The following MYH10 variants were observed in gnomAD, a reference collection of about 807,000 sequenced individuals.
MYH10 encodes the protein myosin-10.
Under a neutral mutation model 257.8 loss-of-function variants are expected in MYH10, and 55 were observed. The observed-to-expected ratio is 0.21, with a 90% CI of 0.17 to 0.27. MYH10 has a LOEUF of 0.27. Among genes scored for constraint, MYH10 ranks in the 10% least tolerant of loss-of-function variants. The probability of loss-of-function intolerance (pLI) is 1.00; values close to 1 mark genes in which losing one functional copy is unlikely to be tolerated. For missense variants in MYH10, 1,631 were observed against 2,500.6 expected, an observed-to-expected ratio of 0.65 and a Z score of 7.42; for synonymous variants, 854 against 921.7, an observed-to-expected ratio of 0.93 and a Z score of 1.33.
At chr17:8,560,873 G>T in intron 7 of MYH10, 1 of 542,758 alleles carries the variant, frequency 1.8e-6, no homozygotes. Context: ...GTGAGAAGAG[G>T]GAGTGAATAT....
At chr17:8,550,828 T>C (rs1483411470) in intron 9 of MYH10, among the ~76,000 whole-genome samples, 18 of 151,908 alleles carry the variant, frequency 1.2e-4, no homozygotes, top group Non-Finnish European at 2.5e-4. Flanking sequence ...ATCCTGTTGA[T>C]CTGAGACCTT....
At position 8,513,688 on chromosome 17, in the gene MYH10, G is replaced by T. The variant is rs575928589; in HGVS notation, c.2614-19C>A. On this transcript the variant is annotated intron_variant, in intron 22 of 42. Transcript: ENST00000360416. ...GCTTCACCTATGACAAAATTAAGCA[G>T]TTTTTTTTTTTTTATCATTCCAGCT... is the stretch of plus-strand genomic sequence containing the variant. 5.3e-6 allele frequency: 8 copies of T among 1,519,856 alleles called. No homozygotes were observed. Among genetic ancestry groups the T allele is most frequent in the African/African-American group, 2.8e-5 (2 of 70,928 alleles). The allele number at this position is 1,519,856 out of a possible 1,614,324, so 94.1% of individuals were successfully genotyped here. A position where few individuals can be genotyped will look rare whatever the true frequency, so the allele number is the denominator to read the frequency against.
chr17:8,572,067 T>C, intron 6 of MYH10, among the ~76,000 whole-genome samples: 1 of 152,162 alleles, frequency 6.6e-6, no homozygotes, highest in South Asian at 2.1e-4. Flanking sequence ...TCACACACCA[T>C]CCTACCAAAT....
chr17:8,580,952 T>C (rs775247128), intron 4 of MYH10, among the ~76,000 whole-genome samples: 7 of 152,152 alleles, frequency 4.6e-5, no homozygotes, highest in Admixed American at 1.3e-4. Context: ...CCTCTAGATA[T>C]GAAGGTCAGG....
chr17:8,492,230 T>C (rs1662389914), intron 34 of MYH10, 67 bp downstream of exon 34: 2 of 1,500,580 alleles, frequency 1.3e-6, no homozygotes, highest in Admixed American at 3.6e-5. Flanking sequence ...CGCCCGCTCC[T>C]GTGTGAAGGC....
At chr17:8,621,007 G>A (rs1249950200) in intron 2 of MYH10, among the ~76,000 whole-genome samples, 1 of 152,156 alleles carries the variant, frequency 6.6e-6, no homozygotes, top group Non-Finnish European at 1.5e-5. Flanking sequence ...TGGAATGGCT[G>A]CAAAACAAAA....
intron 1 of MYH10, among the ~76,000 whole-genome samples, chr17:8,629,605 C>T (rs2085823911): frequency 6.6e-6 from 1 of 152,170 alleles, no homozygotes; most frequent in South Asian, 2.1e-4. Context: ...TCCGCGGCTT[C>T]AACTTCCCTC....
intron 4 of MYH10, among the ~76,000 whole-genome samples, chr17:8,586,108 C>T (rs2083907441): frequency 6.6e-6 from 1 of 152,180 alleles, no homozygotes; most frequent in Non-Finnish European, 1.5e-5. Flanking sequence ...AAAGCATGCC[C>T]TTTAGCACCG....
chr17:8,594,446 G>A (rs1239320537), intron 3 of MYH10, among the ~76,000 whole-genome samples: 1 of 152,156 alleles, frequency 6.6e-6, no homozygotes, highest in African/African-American at 2.4e-5. Context: ...GGCTAACAAG[G>A]ATGGCGAACA....
intron 19 of MYH10, among the ~76,000 whole-genome samples, chr17:8,519,440 T>C (rs776559377): frequency 6.6e-6 from 1 of 152,150 alleles, no homozygotes; most frequent in Non-Finnish European, 1.5e-5. Context: ...TACACATACA[T>C]ATGTTCACTG....
intron 7 of MYH10, among the ~76,000 whole-genome samples, chr17:8,557,113 T>TA (rs950781169): frequency 1.3e-5 from 2 of 152,012 alleles, no homozygotes; most frequent in African/African-American, 2.4e-5. Flanking sequence ...TACCTTATAT[T>TA]AAAAAAATGA....
chr17:8,560,378 C>T (rs561653426), intron 7 of MYH10: 6 of 281,950 alleles, frequency 2.1e-5, no homozygotes, highest in South Asian at 1.3e-4. Context: ...CCTACCTTCA[C>T]GGGACATTAA....
In MYH10 at chr17:8,490,355, C is replaced by A. The variant is rs2151813082; in HGVS notation, c.4869G>T (p.Arg1623=). The A allele has an allele frequency of 6.2e-7, 1 of 1,613,846 alleles. No individual in the cohort carries two copies. The highest frequency in any genetic ancestry group is 2.2e-5 in the East Asian group (1 of 44,874). Reference sequence around the variant, plus strand: ...TCTGCCCTACCTGTTTGATCAGCAGCCGCTTCTTCTCTTCATTCTGCTCAT... The same window carrying A: ...TCTGCCCTACCTGTTTGATCAGCAGACGCTTCTTCTCTTCATTCTGCTCAT... ...TRDEQNEEKK[R]LLIKQVRELE... is the part of the protein sequence containing the mutation. Residue 1623 remains arginine (R), a synonymous_variant, in exon 35 of 43, where the codon CGG becomes CGT. Coordinates refer to ENST00000360416, the MANE Select transcript of MYH10 (RefSeq NM_001256012.3). This position sits in a 1 kb window ranked among gnomAD's most constrained non-coding sequence, Gnocchi z 4.1.
intron 3 of MYH10, among the ~76,000 whole-genome samples, chr17:8,589,669 G>T (rs7222272): frequency 0.97 from 147,746 of 152,188 alleles, 71,876 homozygotes; most frequent in Middle Eastern, 1. Flanking sequence ...GTTGAAGGAG[G>T]ATAAACATCT....
At chr17:8,496,870 T>C (rs1421782245) in intron 30 of MYH10, among the ~76,000 whole-genome samples, 4 of 152,136 alleles carry the variant, frequency 2.6e-5, no homozygotes, top group African/African-American at 4.8e-5. Flanking sequence ...AACAATATGG[T>C]CTATGTTGAA....
intron 13 of MYH10, among the ~76,000 whole-genome samples, chr17:8,544,067 T>A (rs2082373543): frequency 6.6e-6 from 1 of 152,210 alleles, no homozygotes; most frequent in Non-Finnish European, 1.5e-5. Flanking sequence ...CTTTCCTTAG[T>A]GTATAAAGCC....
chr17:8,621,120 C>T (rs1310387375), intron 2 of MYH10, among the ~76,000 whole-genome samples: 1 of 152,218 alleles, frequency 6.6e-6, no homozygotes, highest in Non-Finnish European at 1.5e-5. Flanking sequence ...AAGGTGAAGG[C>T]TGGCAGAAAA....
intron 31 of MYH10, among the ~76,000 whole-genome samples, chr17:8,494,146 TC>T (rs1380088018): frequency 1.3e-5 from 2 of 152,058 alleles, no homozygotes; most frequent in African/African-American, 4.8e-5. Flanking sequence ...CCTCCAGGCA[TC>T]CCCGAGGCCT....
rs776715217 is a variant in MYH10 at position 8,506,281 on chromosome 17, A to G, written c.3386+37T>C. ...ACAAAGTCTGCTGAAACTCAGCCCC[A>G]TGGGCTCCCGTGCAGCGCAGCTGCT... is the stretch of plus-strand genomic sequence containing the variant. On this transcript the variant is annotated intron_variant, in intron 27 of 42. Coordinates refer to ENST00000360416, the MANE Select transcript of MYH10 (RefSeq NM_001256012.3). This position sits in a 1 kb window ranked among gnomAD's most constrained non-coding sequence, Gnocchi z 5.0. 1.3e-6 allele frequency: 2 copies of G among 1,535,216 alleles called. No individual in the cohort carries two copies. The highest frequency in any genetic ancestry group is 2.3e-5 in the Admixed American group (1 of 42,690).
Sources: gnomAD v4.1 joint callset for allele counts (sites outside exome capture counted in the v4.1 genomes callset) on GRCh38, gnomAD v4.1.1 for gene constraint, Gnocchi (gnomAD v3.1) non-coding constraint, MANE v1.5 for transcripts, NCBI Gene and HGNC (gene_info 2026-07-23, HGNC 2026-07-21) for gene names.